AGBL4: variants seen among roughly 807,000 people sequenced by gnomAD.
AGBL4 encodes the protein cytosolic carboxypeptidase 6.
A neutral mutation model predicts 66.4 loss-of-function variants in AGBL4; 58 were observed. The observed-to-expected ratio is 0.87, with a 90% CI of 0.71 to 1.09. The LOEUF is 1.09. AGBL4 is among the 50% of genes least tolerant of loss of function. The pLI is 0.00. For missense variants in AGBL4, 579 were observed against 631.0 expected (o/e 0.92, Z 0.88); for synonymous variants, 234 against 222.9 (o/e 1.05, Z -0.44).
At chr1:49,286,075 G>C (rs1197628094) in intron 3 of AGBL4, among the ~76,000 whole-genome samples, 1 of 152,134 alleles carries the variant, frequency 6.6e-6, no homozygotes, top group Non-Finnish European at 1.5e-5. Context: ...AATCATAAAT[G>C]TAATCCAGCA....
Position 48,702,688 on chromosome 1 carries a change from C to T in AGBL4, c.635-39447G>A, listed in dbSNP as rs1646820983. ...AGGCTGGCATCCAGGAACACCTGGA[C>T]ACTTAAAGAAAAGCCTGGTAAACAG... is the stretch of plus-strand genomic sequence containing the variant. On this transcript the variant is annotated intron_variant, in intron 6 of 13. Transcript: ENST00000371839. Among the ~76,000 whole-genome samples the T allele has an allele frequency of 2.0e-5, 3 of 152,230 alleles. No homozygotes were observed. The South Asian group carries it at 6.2e-4, about 32-fold the overall frequency.
intron 3 of AGBL4, among the ~76,000 whole-genome samples, chr1:49,253,793 G>A (rs1486326915): frequency 6.6e-6 from 1 of 151,592 alleles, no homozygotes; most frequent in Non-Finnish European, 1.5e-5. Flanking sequence ...GAGAATCCAG[G>A]AGCACATCAA....
chr1:48,656,735 A>C (rs1275367797), intron 7 of AGBL4, among the ~76,000 whole-genome samples: 2 of 152,156 alleles, frequency 1.3e-5, no homozygotes, highest in Non-Finnish European at 2.9e-5. Context: ...AGAAAACCAA[A>C]TACTGCATGT....
intron 2 of AGBL4, 53 bp from the exon 3 acceptor site, chr1:49,697,490 A>G: frequency 1.5e-6 from 2 of 1,363,568 alleles, no homozygotes; most frequent in Non-Finnish European, 2.0e-6. Flanking sequence ...ATGCAGCTCA[A>G]TGGTACACAC....
chr1:48,598,300 C>A (rs1374842447), intron 9 of AGBL4, among the ~76,000 whole-genome samples: 1 of 152,124 alleles, frequency 6.6e-6, no homozygotes, highest in East Asian at 1.9e-4. Context: ...TACAGTCATG[C>A]AACACTTACT....
chr1:49,573,645 T>C (rs866671219), intron 3 of AGBL4, among the ~76,000 whole-genome samples: 1 of 152,096 alleles, frequency 6.6e-6, no homozygotes, highest in Non-Finnish European at 1.5e-5. Context: ...TTGCCCTGAG[T>C]GAGAGTCTTA....
chr1:49,813,042 G>T (rs1645137848), intron 2 of AGBL4, among the ~76,000 whole-genome samples: 1 of 152,142 alleles, frequency 6.6e-6, no homozygotes, highest in African/African-American at 2.4e-5. Flanking sequence ...GAAGTGCCAG[G>T]CTAAGGGAGA....
At chr1:49,617,753 A>T (rs1050927783) in intron 3 of AGBL4, among the ~76,000 whole-genome samples, 3 of 152,248 alleles carry the variant, frequency 2.0e-5, no homozygotes, top group Admixed American at 1.3e-4. Flanking sequence ...ACAGATAAAA[A>T]CAACAGGAGA....
chr1:49,029,367 G>T (rs1227124241), intron 5 of AGBL4, among the ~76,000 whole-genome samples: 1 of 152,172 alleles, frequency 6.6e-6, no homozygotes, highest in African/African-American at 2.4e-5. Flanking sequence ...AAAGGTTGCA[G>T]AATGAAAATG....
chr1:49,910,026 G>A (rs1177055727), intron 1 of AGBL4, among the ~76,000 whole-genome samples: 1 of 152,158 alleles, frequency 6.6e-6, no homozygotes, highest in Non-Finnish European at 1.5e-5. Flanking sequence ...TAGAGATGTC[G>A]AGGCTTAAGG....
intron 2 of AGBL4, among the ~76,000 whole-genome samples, chr1:49,820,861 C>T (rs747435292): frequency 2.0e-5 from 3 of 152,240 alleles, no homozygotes; most frequent in South Asian, 4.1e-4. Flanking sequence ...ATTAGTTAAG[C>T]GCACTTAGTC....
In AGBL4 at chr1:48,634,499, GT is replaced by G. The variant is rs1557842753; in HGVS notation, c.944del (p.Asn315ThrfsTer19). Reference protein sequence around the residue: ...GVKQLIVQMYNDPKTSLEFYI... With the variant: ...GVKQLIVQMYXDPKTSLEFYI... Reference sequence around the variant, plus strand: ...AGGGCATTCAGTTACTTACTGGGTCGTTGTACATCTGGACGATGAGTTGTTT... The same window carrying G: ...AGGGCATTCAGTTACTTACTGGGTCGTGTACATCTGGACGATGAGTTGTTT... On this transcript the variant is annotated frameshift_variant, in exon 9 of 14. Coordinates refer to ENST00000371839, the MANE Select transcript of AGBL4 (RefSeq NM_032785.4). LOFTEE classifies it high-confidence loss of function. 2 of 1,596,360 alleles carry G rather than the reference GT, an allele frequency of 1.3e-6. No homozygotes were observed. The highest frequency in any genetic ancestry group is 2.7e-5 in the African/African-American group (2 of 74,600).
chr1:49,122,298 C>T (rs919622957), intron 4 of AGBL4, among the ~76,000 whole-genome samples: 10 of 152,192 alleles, frequency 6.6e-5, no homozygotes, highest in Non-Finnish European at 1.2e-4. Context: ...GTGTTGATCA[C>T]GCTGGGAGCT....
intron 3 of AGBL4, among the ~76,000 whole-genome samples, chr1:49,290,762 C>A (rs1644518118): frequency 6.6e-6 from 1 of 152,078 alleles, no homozygotes; most frequent in Non-Finnish European, 1.5e-5. Flanking sequence ...CTTTGAGAGG[C>A]CAAGATAGGG....
intron 11 of AGBL4, among the ~76,000 whole-genome samples, chr1:48,556,233 T>G (rs1049836289): frequency 2.0e-5 from 3 of 152,184 alleles, no homozygotes; most frequent in Non-Finnish European, 4.4e-5. Flanking sequence ...GGCCAACATA[T>G]TTATCCAATC....
intron 3 of AGBL4, among the ~76,000 whole-genome samples, chr1:49,563,051 A>G (rs1176670231): frequency 6.6e-6 from 1 of 151,852 alleles, no homozygotes; most frequent in African/African-American, 2.4e-5. Flanking sequence ...ATTCCTAGGT[A>G]TTTTATTCTC....
chr1:49,998,222 A>G (rs1274702970), intron 1 of AGBL4, among the ~76,000 whole-genome samples: 2 of 152,156 alleles, frequency 1.3e-5, no homozygotes, highest in African/African-American at 4.8e-5. Context: ...GAGAAGATCC[A>G]AATAAGCTCA....
At chr1:49,514,989 T>C (rs1649647189) in intron 3 of AGBL4, among the ~76,000 whole-genome samples, 1 of 152,096 alleles carries the variant, frequency 6.6e-6, no homozygotes, top group African/African-American at 2.4e-5. Context: ...AAGGACTTCA[T>C]GTCTAAAACA....
rs376591360 is a variant in AGBL4 at position 49,460,626 on chromosome 1, T to C, written c.283-214762A>G. On this transcript the variant is annotated intron_variant, in intron 3 of 13. Coordinates refer to ENST00000371839, the MANE Select transcript of AGBL4 (RefSeq NM_032785.4). Reference sequence around the variant, plus strand: ...GATTGAGATGTGAGGTGCTATTCTATTCATCATGCTATTTGTTGCCCAAAT... The same window carrying C: ...GATTGAGATGTGAGGTGCTATTCTACTCATCATGCTATTTGTTGCCCAAAT... Among the ~76,000 whole-genome samples the C allele has an allele frequency of 3.2e-4, 49 of 151,826 alleles. No homozygotes were observed. In the South Asian group the frequency reaches 9.4e-3, roughly 29 times the overall value.
Sources: gnomAD v4.1 joint callset for allele counts (sites outside exome capture counted in the v4.1 genomes callset) on GRCh38, gnomAD v4.1.1 for gene constraint, MANE v1.5 for transcripts, NCBI Gene and HGNC (gene_info 2026-07-23, HGNC 2026-07-21) for gene names.